The following ZNF600 variants were observed in gnomAD, a reference collection of about 807,000 sequenced individuals.
ZNF600 encodes zinc finger protein KR-ZNF1.
A neutral mutation model predicts 7.3 loss-of-function variants in ZNF600; 4 were observed. The observed-to-expected ratio is 0.55, with a 90% CI of 0.27 to 1.25. The LOEUF (loss-of-function observed/expected upper bound fraction) is 1.25, where lower values mean the gene tolerates loss of function less well. Among genes scored for constraint, ZNF600 ranks in the 50% most tolerant of loss-of-function variants. The pLI, the probability that ZNF600 is intolerant of heterozygous loss-of-function variation, is 0.12. For missense variants in ZNF600, 911 were observed against 922.1 expected (o/e 0.99, Z 0.16); for synonymous variants, 290 against 308.9 (o/e 0.94, Z 0.64).
Position 52,782,163 on chromosome 19 carries a change from C to T in ZNF600, c.-19-3256G>A, listed in dbSNP as rs975296447. On this transcript the variant is annotated intron_variant, in intron 1 of 3. Transcript: ENST00000648973. ...AAATCACTTGAGCCCAGGAGGTTGC[C>T]GCTGCACTGAGCTGTGATCCTGCCA... 7.3e-5 allele frequency among the ~76,000 whole-genome samples: 11 copies of T among 151,370 alleles called. 1 individual carries two copies. In the East Asian group the frequency reaches 9.7e-4, roughly 13 times the overall value.
At chr19:52,807,985 A>T in the ZNF600 span, 1 of 1,612,634 alleles carries the variant, frequency 6.2e-7, no homozygotes, top group South Asian at 1.1e-5. Context: ...ACAAGGGCAC[A>T]TCCCCAGGAG....
rs200490114 is a variant in ZNF600 at position 52,766,198 on chromosome 19, G to A, written c.1765C>T (p.His589Tyr). The change falls in exon 4 of 4, where the codon CAT (histidine) becomes TAT (tyrosine). Residue 589 changes from histidine (H) to tyrosine (Y), a missense_variant. By Grantham distance (83) the His-to-Tyr change is moderately conservative (BLOSUM62 2). Coordinates refer to ENST00000648973, the Ensembl canonical transcript of ZNF600. ...CACTTGTAAGGTTTCTCACCACTAT[G>A]AACTCTGCGATGGCTTGCAAGGTAT... 344 of 1,613,680 alleles carry A rather than the reference G, an allele frequency of 2.1e-4. No individual in the cohort carries two copies. The highest frequency in any genetic ancestry group is 2.8e-4 in the Non-Finnish European group (331 of 1,179,972).
chr19:52,780,445 A>T (rs977491035), intron 1 of ZNF600, among the ~76,000 whole-genome samples, 136 bp downstream of exon 3: 10 of 135,778 alleles, frequency 7.4e-5, no homozygotes, highest in African/African-American at 3.2e-4. Context: ...GAGCAACCTC[A>T]GCCCCAGGAA....
At chr19:52,820,937 C>T in the ZNF600 span, among the ~76,000 whole-genome samples, 4 of 151,970 alleles carry the variant, frequency 2.6e-5, no homozygotes, top group Admixed American at 6.6e-5. Context: ...TTGGCCCACA[C>T]GATCACACGA....
At chr19:52,809,919 G>C in the ZNF600 span, 1 of 849,418 alleles carries the variant, frequency 1.2e-6, no homozygotes, top group Non-Finnish European at 2.0e-6. Flanking sequence ...GCCCGGGGCC[G>C]GTGGGGAGGC....
chr19:52,810,745 G>T, the ZNF600 span: 1 of 591,918 alleles, frequency 1.7e-6, no homozygotes. Context: ...AAAAAAAGAG[G>T]AAAGAAGGGG....
At chr19:52,788,513 T>G (rs2059177), upstream of ZNF600, among the ~76,000 whole-genome samples, 133,944 of 152,188 alleles carry the variant, frequency 0.88, 59,224 homozygotes, top group East Asian at 0.93. Context: ...TCACCAGGGA[T>G]AAAGATGGTT....
the ZNF600 span, among the ~76,000 whole-genome samples, chr19:52,815,003 A>C: frequency 6.8e-6 from 1 of 146,092 alleles, no homozygotes; most frequent in Non-Finnish European, 1.5e-5. Flanking sequence ...AGATGTTAAT[A>C]ACAAAGTGGT....
the ZNF600 span, among the ~76,000 whole-genome samples, chr19:52,803,585 G>T: frequency 3.2e-4 from 49 of 152,218 alleles, no homozygotes; most frequent in Non-Finnish European, 6.0e-4. Context: ...CTTACCACCA[G>T]CACACAACAT....
At chr19:52,807,415 G>A in the ZNF600 span, among the ~76,000 whole-genome samples, 1 of 152,158 alleles carries the variant, frequency 6.6e-6, no homozygotes, top group Non-Finnish European at 1.5e-5. Context: ...CTACAGAATC[G>A]AAAGCACAGG....
At chr19:52,821,247 G>A in the ZNF600 span, among the ~76,000 whole-genome samples, 169 of 151,946 alleles carry the variant, frequency 1.1e-3, 2 homozygotes, top group East Asian at 4.7e-3. Flanking sequence ...CCAGGAGGAT[G>A]AGGCTGGGAG....
At chr19:52,779,000 G>C in intron 1 of ZNF600, 93 bp from the exon 4 acceptor site, 1 of 1,194,566 alleles carries the variant, frequency 8.4e-7, no homozygotes, top group South Asian at 1.7e-5. Context: ...TCACCCAGCA[G>C]AAAGAAGTCC....
intron 3 of ZNF600, among the ~76,000 whole-genome samples, chr19:52,773,541 A>T (rs1176848025): frequency 5.9e-5 from 9 of 152,118 alleles, no homozygotes; most frequent in Non-Finnish European, 1.2e-4. Context: ...GGGTTGAAGA[A>T]GGATGCCCTG....
the ZNF600 span, chr19:52,808,192 A>G: frequency 6.3e-7 from 1 of 1,599,048 alleles, no homozygotes; most frequent in East Asian, 2.2e-5. Flanking sequence ...CTTTACAGAA[A>G]ATGACAAGAG....
upstream of ZNF600, among the ~76,000 whole-genome samples, chr19:52,788,252 GA>G (rs1568638810): frequency 6.6e-6 from 1 of 152,154 alleles, no homozygotes; most frequent in East Asian, 1.9e-4. Flanking sequence ...GGATGCTTCA[GA>G]CTCACAGAAG....
At chr19:52,765,547 T>A (rs1475782378) in exon 4 of ZNF600, 1 of 1,612,950 alleles carries the variant, frequency 6.2e-7, no homozygotes, top group East Asian at 2.2e-5. Context: ...TGATTTGCAA[T>A]GGTTGTAGCG....
the ZNF600 span, among the ~76,000 whole-genome samples, chr19:52,819,791 G>C: frequency 7.0e-6 from 1 of 143,650 alleles, no homozygotes; most frequent in Non-Finnish European, 1.5e-5. Context: ...TGATGAAATT[G>C]ACTCCCAACA....
chr19:52,794,197 A>G, the ZNF600 span, among the ~76,000 whole-genome samples: 1 of 152,158 alleles, frequency 6.6e-6, no homozygotes, highest in African/African-American at 2.4e-5. Flanking sequence ...CAGAGACAAG[A>G]ATAAGTTCAA....
chr19:52,768,297 G>C (rs1444631464), intron 3 of ZNF600, among the ~76,000 whole-genome samples: 1 of 151,502 alleles, frequency 6.6e-6, no homozygotes, highest in Non-Finnish European at 1.5e-5. Context: ...AAATTAACCA[G>C]GTGTGCTGGC....
Sources: allele counts gnomAD v4.1 joint callset (sites outside exome capture counted in the v4.1 genomes callset), GRCh38; gene constraint gnomAD v4.1.1; transcripts MANE v1.5; gene names NCBI Gene and HGNC (gene_info 2026-07-23, HGNC 2026-07-21).